The following SLC71A1 variants were observed in gnomAD, a reference collection of about 807,000 sequenced individuals.
SLC71A1 encodes the protein solute carrier family 71 member 1.
chr1:100,044,511 ATTTTTTTT>A, the SLC71A1 span, among the ~76,000 whole-genome samples: 7 of 103,150 alleles, frequency 6.8e-5, no homozygotes, highest in East Asian at 2.6e-4. Flanking sequence ...TACTCTGCTG[ATTTTTTTT>A]TTTTTTTTTT....
At chr1:100,049,868 T>C in the SLC71A1 span, 11 of 1,005,070 alleles carry the variant, frequency 1.1e-5, no homozygotes, top group Non-Finnish European at 1.5e-5. Flanking sequence ...GAATGTACTG[T>C]TAACTTTTTT....
At chr1:100,045,834 A>AAATC in the SLC71A1 span, among the ~76,000 whole-genome samples, 1 of 152,260 alleles carries the variant, frequency 6.6e-6, no homozygotes. Flanking sequence ...ATAAATAAAT[A>AAATC]AATCTGTTCA....
chr1:100,080,720 G>GT, the SLC71A1 span: 1 of 1,444,382 alleles, frequency 6.9e-7, no homozygotes, highest in South Asian at 1.4e-5. Flanking sequence ...AAGGCTACTG[G>GT]TTTTTGGTCA....
the SLC71A1 span, among the ~76,000 whole-genome samples, chr1:100,045,597 A>G: frequency 8.5e-5 from 13 of 152,370 alleles, 1 homozygote; most frequent in South Asian, 1.7e-3. Context: ...TGATACAAGC[A>G]TATGTTGATA....
At chr1:100,048,267 C>G in the SLC71A1 span, among the ~76,000 whole-genome samples, 1 of 152,034 alleles carries the variant, frequency 6.6e-6, no homozygotes, top group South Asian at 2.1e-4. Context: ...CAACCTCTGC[C>G]TCCCAGGTTC....
At chr1:100,077,205 A>T in the SLC71A1 span, 1 of 1,588,436 alleles carries the variant, frequency 6.3e-7, no homozygotes, top group Non-Finnish European at 8.6e-7. Flanking sequence ...ATTGGAAATA[A>T]GAACACCATT....
the SLC71A1 span, among the ~76,000 whole-genome samples, chr1:100,049,434 T>C: frequency 6.6e-6 from 1 of 151,898 alleles, no homozygotes; most frequent in Non-Finnish European, 1.5e-5. Context: ...GAATTAAATA[T>C]AGACTCCTTA....
the SLC71A1 span, among the ~76,000 whole-genome samples, chr1:100,081,132 T>G: frequency 6.6e-6 from 1 of 152,212 alleles, no homozygotes; most frequent in African/African-American, 2.4e-5. Context: ...TCTGTACTTA[T>G]CTTCCAACCC....
At chr1:100,051,318 G>T in the SLC71A1 span, among the ~76,000 whole-genome samples, 1 of 152,120 alleles carries the variant, frequency 6.6e-6, no homozygotes, top group Non-Finnish European at 1.5e-5. Context: ...TTGAACCCGG[G>T]AAGTGGAGGT....
chr1:100,060,140 C>T, the SLC71A1 span: 1 of 790,178 alleles, frequency 1.3e-6, no homozygotes, highest in Non-Finnish European at 1.9e-6. Flanking sequence ...TTTATTCTTT[C>T]ACACAGATAA....
the SLC71A1 span, among the ~76,000 whole-genome samples, chr1:100,081,678 AT>A: frequency 6.6e-6 from 1 of 152,154 alleles, no homozygotes; most frequent in Non-Finnish European, 1.5e-5. Flanking sequence ...GTGCAGCCTG[AT>A]TTTATTTTTG....
the SLC71A1 span, chr1:100,058,612 T>TTTA: frequency 6.4e-6 from 6 of 944,438 alleles, no homozygotes; most frequent in Non-Finnish European, 1.0e-5. Context: ...ATGTAGAAAT[T>TTTA]TTATTAAGAC....
the SLC71A1 span, among the ~76,000 whole-genome samples, chr1:100,056,701 T>C: frequency 3.9e-5 from 6 of 152,222 alleles, no homozygotes; most frequent in Admixed American, 6.5e-5. Context: ...GAGGGGTATA[T>C]ACCTAGTAGT....
chr1:100,048,643 C>G, the SLC71A1 span, among the ~76,000 whole-genome samples: 1 of 152,258 alleles, frequency 6.6e-6, no homozygotes, highest in East Asian at 1.9e-4. Flanking sequence ...TTTTCTTTAT[C>G]AAAGAAGAAA....
the SLC71A1 span, among the ~76,000 whole-genome samples, chr1:100,060,826 C>T: frequency 1.3e-5 from 2 of 151,828 alleles, no homozygotes; most frequent in Non-Finnish European, 2.9e-5. Context: ...AGTCAGAGCC[C>T]AATTTGGTTG....
chr1:100,077,596 G>T, the SLC71A1 span, among the ~76,000 whole-genome samples: 1 of 152,172 alleles, frequency 6.6e-6, no homozygotes, highest in Non-Finnish European at 1.5e-5. Context: ...ATAGCAACAA[G>T]GCCCTGAAAG....
chr1:100,059,129 CTCTT>C, the SLC71A1 span, among the ~76,000 whole-genome samples: 1 of 125,814 alleles, frequency 7.9e-6, no homozygotes, highest in Non-Finnish European at 1.6e-5. Context: ...GAATTCTTTG[CTCTT>C]TCTTTTTCGT....
chr1:100,050,725 C>T, the SLC71A1 span, among the ~76,000 whole-genome samples: 1 of 152,008 alleles, frequency 6.6e-6, no homozygotes, highest in African/African-American at 2.4e-5. Context: ...ATTGAACTAG[C>T]CTAAGAACAT....
chr1:100,072,670 A>G, the SLC71A1 span, among the ~76,000 whole-genome samples: 2 of 152,072 alleles, frequency 1.3e-5, no homozygotes, highest in African/African-American at 4.8e-5. Context: ...TTCTCCCCCA[A>G]AATGATTAGA....
Sources: allele counts gnomAD v4.1 joint callset (sites outside exome capture counted in the v4.1 genomes callset), GRCh38; gene constraint gnomAD v4.1.1; transcripts MANE v1.5; gene names NCBI Gene and HGNC (gene_info 2026-07-23, HGNC 2026-07-21).